The following SOX5 variants were observed in gnomAD, a reference collection of about 807,000 sequenced individuals.
The protein encoded by SOX5 is transcription factor SOX-5.
In SOX5, 9 loss-of-function variants were observed where a neutral mutation model predicts 92.0. The ratio of observed to expected loss-of-function variants is 0.10; its 90% CI spans 0.06 to 0.17. The LOEUF is 0.17. SOX5 is among the 10% of genes least tolerant of loss of function. The probability of loss-of-function intolerance (pLI) is 1.00; values close to 1 mark genes in which losing one functional copy is unlikely to be tolerated. For missense variants in SOX5, 642 were observed against 944.5 expected (o/e 0.68, Z 4.20); for synonymous variants, 344 against 336.3 (o/e 1.02, Z -0.25).
At chr12:24,406,925 T>C (rs1053541379) in intron 1 of SOX5, among the ~76,000 whole-genome samples, 2 of 152,106 alleles carry the variant, frequency 1.3e-5, no homozygotes, top group Admixed American at 6.5e-5. Flanking sequence ...ACCCCAAATA[T>C]GTTGGGGGTA....
chr12:23,740,691 C>A (rs1333577393), intron 5 of SOX5, among the ~76,000 whole-genome samples, 176 bp downstream of exon 5: 1 of 152,046 alleles, frequency 6.6e-6, no homozygotes, highest in Non-Finnish European at 1.5e-5. Context: ...TCTTAAAATC[C>A]GGGTTTTGTC....
intron 7 of SOX5, among the ~76,000 whole-genome samples, chr12:23,656,690 G>A (rs887770463): frequency 6.6e-6 from 1 of 151,764 alleles, no homozygotes; most frequent in African/African-American, 2.4e-5. Context: ...AATATACATA[G>A]TATATGTATC....
At chr12:23,897,515 T>C (rs1257312174) in intron 1 of SOX5, among the ~76,000 whole-genome samples, 1 of 152,196 alleles carries the variant, frequency 6.6e-6, no homozygotes, top group East Asian at 1.9e-4. Flanking sequence ...GGACTATGTA[T>C]CATGTGACAA....
At chr12:24,506,774 T>C (rs1482456247) in intron 1 of SOX5, among the ~76,000 whole-genome samples, 2 of 143,274 alleles carry the variant, frequency 1.4e-5, no homozygotes, top group Non-Finnish European at 3.0e-5. Flanking sequence ...TTTCATGGTA[T>C]CCAAATGGTC....
At chr12:23,813,078 T>C (rs2095907485) in intron 3 of SOX5, among the ~76,000 whole-genome samples, 1 of 152,188 alleles carries the variant, frequency 6.6e-6, no homozygotes, top group Non-Finnish European at 1.5e-5. Context: ...CAGAAAAATC[T>C]TTGGCTTTTT....
intron 2 of SOX5, among the ~76,000 whole-genome samples, chr12:24,325,565 G>A (rs1013669802): frequency 5.3e-5 from 8 of 152,156 alleles, no homozygotes; most frequent in African/African-American, 7.2e-5. Flanking sequence ...ATGAAGAACC[G>A]AGCCACCCAA....
intron 1 of SOX5, among the ~76,000 whole-genome samples, chr12:24,466,386 T>C (rs939908793): frequency 1.3e-5 from 2 of 152,158 alleles, no homozygotes; most frequent in Non-Finnish European, 2.9e-5. Flanking sequence ...GCTGGGATTA[T>C]AGACACGAGC....
intron 2 of SOX5, among the ~76,000 whole-genome samples, chr12:23,862,010 C>T (rs1467881573): frequency 6.6e-6 from 1 of 152,030 alleles, no homozygotes; most frequent in African/African-American, 2.4e-5. Context: ...TATTATTTCC[C>T]TTCTATTCCC....
At chr12:24,091,041 G>T (rs762723392) in intron 4 of SOX5, among the ~76,000 whole-genome samples, 9 of 152,134 alleles carry the variant, frequency 5.9e-5, no homozygotes, top group Non-Finnish European at 1.3e-4. Context: ...GTTATTCAGA[G>T]CAACTTTTAA....
At chr12:24,163,813 TTCTC>T (rs778142552) in intron 4 of SOX5, among the ~76,000 whole-genome samples, 61 of 152,156 alleles carry the variant, frequency 4.0e-4, no homozygotes, top group Non-Finnish European at 6.6e-4. Context: ...CTCTCTCTCT[TTCTC>T]TCTGTCTTTG....
rs138427375 is a variant in SOX5, at chr12:24,387,869, T to C, written c.-250-19230A>G. The stretch of plus-strand genomic sequence containing the variant: ...GTTAAGTCCAATTTATTTATTCACA[T>C]GGGGTTGAATCCCAACTGAGCAGCT... On this transcript the variant is annotated intron_variant, in intron 1 of 4. Transcript: ENST00000446891. Among the ~76,000 whole-genome samples the C allele has an allele frequency of 3.9e-5, 6 of 152,316 alleles. No individual in the cohort carries two copies. The East Asian group carries it at 1.2e-3, about 29-fold the overall frequency.
intron 1 of SOX5, among the ~76,000 whole-genome samples, chr12:24,417,464 T>C (rs895638130): frequency 3.9e-5 from 6 of 152,196 alleles, no homozygotes; most frequent in Non-Finnish European, 7.3e-5. Flanking sequence ...TCCAAGATGA[T>C]ACCATGAAAG....
chr12:24,130,054 A>G (rs1949500536), intron 4 of SOX5, among the ~76,000 whole-genome samples: 1 of 152,194 alleles, frequency 6.6e-6, no homozygotes, highest in Non-Finnish European at 1.5e-5. Context: ...AAAGATACTT[A>G]GGAAATTATT....
At chr12:24,151,915 T>C (rs188699981) in intron 4 of SOX5, among the ~76,000 whole-genome samples, 4 of 152,228 alleles carry the variant, frequency 2.6e-5, no homozygotes, top group East Asian at 3.9e-4. Flanking sequence ...CAAGACCATA[T>C]AAAATATATT....
intron 4 of SOX5, among the ~76,000 whole-genome samples, chr12:23,970,235 T>TG (rs1948071923): frequency 6.6e-6 from 1 of 151,938 alleles, no homozygotes; most frequent in Non-Finnish European, 1.5e-5. Context: ...GACTTCTTTT[T>TG]TTTTTGGTTT....
chr12:24,428,311 CTT>C (rs1966911538), intron 1 of SOX5, among the ~76,000 whole-genome samples: 2 of 151,950 alleles, frequency 1.3e-5, no homozygotes, highest in African/African-American at 2.4e-5. Context: ...TTCAATTGCT[CTT>C]CTCTTCAAAT....
chr12:24,233,849 G>C (rs1319622611), intron 3 of SOX5, among the ~76,000 whole-genome samples: 1 of 152,232 alleles, frequency 6.6e-6, no homozygotes, highest in Non-Finnish European at 1.5e-5. Context: ...ATAGAATCAT[G>C]TGTCTTCAAC....
At chr12:23,793,160 A>G (rs921947010) in intron 3 of SOX5, among the ~76,000 whole-genome samples, 1 of 152,200 alleles carries the variant, frequency 6.6e-6, no homozygotes, top group Non-Finnish European at 1.5e-5. Flanking sequence ...AAATAAGTAG[A>G]TATACATTTG....
At chr12:24,176,928 A>T (rs1352451956) in intron 4 of SOX5, among the ~76,000 whole-genome samples, 2 of 151,686 alleles carry the variant, frequency 1.3e-5, no homozygotes, top group Admixed American at 6.6e-5. Flanking sequence ...AGGATGTGGT[A>T]ATTTGTAGTA....
Sources: allele counts gnomAD v4.1 joint callset (sites outside exome capture counted in the v4.1 genomes callset), GRCh38; gene constraint gnomAD v4.1.1; transcripts MANE v1.5; gene names NCBI Gene and HGNC (gene_info 2026-07-23, HGNC 2026-07-21).